Variants in THTPA observed in about 807,000 individuals in gnomAD.
THTPA encodes thiamine triphosphatase.
THTPA carries 16 observed loss-of-function variants against 16.5 expected under a neutral mutation model. The ratio of observed to expected loss-of-function variants is 0.97; its 90% CI spans 0.66 to 1.47. The LOEUF (loss-of-function observed/expected upper bound fraction) is 1.47. Among genes scored for constraint, THTPA ranks in the 40% most tolerant of loss-of-function variants. The pLI is 0.00. For missense variants in THTPA, 281 were observed against 280.9 expected, an observed-to-expected ratio of 1.00 and a Z score of 0.00; for synonymous variants, 110 against 115.5, an observed-to-expected ratio of 0.95 and a Z score of 0.30.
At chr14:23,531,838 C>A in the THTPA span, 1 of 1,222,022 alleles carries the variant, frequency 8.2e-7, no homozygotes, top group South Asian at 3.7e-5. Flanking sequence ...AGTGCAGTGG[C>A]ATGATCTCTA....
At chr14:23,521,732 G>A in the THTPA span, 3 of 693,214 alleles carry the variant, frequency 4.3e-6, no homozygotes, top group Admixed American at 7.0e-5. Context: ...GGCTACATCT[G>A]CAAGGAGCTG....
the THTPA span, chr14:23,524,675 T>A: frequency 6.5e-7 from 1 of 1,536,324 alleles, no homozygotes; most frequent in Non-Finnish European, 8.7e-7. This position sits in a 1 kb window ranked among gnomAD's most constrained non-coding sequence, Gnocchi z 5.6. Flanking sequence ...CTCTTCAGGC[T>A]CTTTGCCTCC....
the THTPA span, among the ~76,000 whole-genome samples, chr14:23,537,192 G>C: frequency 4.0e-5 from 6 of 151,700 alleles, no homozygotes; most frequent in South Asian, 1.3e-3. Context: ...GGATTCCTGG[G>C]CTGCCTCCAG....
the THTPA span, chr14:23,529,643 G>A: frequency 7.1e-7 from 1 of 1,400,786 alleles, no homozygotes; most frequent in Non-Finnish European, 9.8e-7. Context: ...TCTGCCTTTA[G>A]AATATGAGCA....
At chr14:23,515,079 GAACAAC>G in the THTPA span, among the ~76,000 whole-genome samples, 48 of 152,000 alleles carry the variant, frequency 3.2e-4, no homozygotes, top group Non-Finnish European at 6.3e-4. Flanking sequence ...TGGACAACAA[GAACAAC>G]AACAACAACA....
chr14:23,522,810 C>CT, the THTPA span: 1 of 1,535,982 alleles, frequency 6.5e-7, no homozygotes, highest in Non-Finnish European at 8.7e-7. Flanking sequence ...GTGGTGCCTG[C>CT]TGTGGAGGTG....
chr14:23,529,351 T>C, the THTPA span: 1 of 254,180 alleles, frequency 3.9e-6, no homozygotes, highest in African/African-American at 2.3e-5. Context: ...TTTCTGCTCC[T>C]AACTAAGGGA....
chr14:23,533,521 T>C, the THTPA span: 2 of 1,536,108 alleles, frequency 1.3e-6, no homozygotes, highest in South Asian at 2.4e-5. This position sits in a 1 kb window ranked among gnomAD's most constrained non-coding sequence, Gnocchi z 4.8. Context: ...CGGCAGCCCC[T>C]GGTGCAGCAT....
chr14:23,536,095 C>T, the THTPA span, among the ~76,000 whole-genome samples: 5 of 152,186 alleles, frequency 3.3e-5, no homozygotes, highest in African/African-American at 1.2e-4. Context: ...TCCTGGGGCC[C>T]GCTGAAATCC....
At chr14:23,534,108 C>G in the THTPA span, 1 of 1,491,636 alleles carries the variant, frequency 6.7e-7, no homozygotes, top group Non-Finnish European at 8.9e-7. This position sits in a 1 kb window ranked among gnomAD's most constrained non-coding sequence, Gnocchi z 4.5. Flanking sequence ...CGGGGGAGCC[C>G]ACTGGGGCAG....
chr14:23,552,288 ATT>A (rs891218317), upstream of THTPA, among the ~76,000 whole-genome samples: 7 of 133,988 alleles, frequency 5.2e-5, no homozygotes, highest in Admixed American at 3.8e-4. Context: ...GTGCTCCTGA[ATT>A]TTTTTTTTTT....
chr14:23,520,871 T>C, the THTPA span: 1 of 144,096 alleles, frequency 6.9e-6, no homozygotes, highest in Non-Finnish European at 1.5e-5. This position sits in a 1 kb window ranked among gnomAD's most constrained non-coding sequence, Gnocchi z 8.7. Flanking sequence ...GGGAGTTTTC[T>C]TCCTTTTTTT....
At chr14:23,554,038 CAAAAAAAA>C (rs61363455), upstream of THTPA, among the ~76,000 whole-genome samples, 2 of 36,064 alleles carry the variant, frequency 5.5e-5, no homozygotes, top group African/African-American at 8.0e-5. Context: ...GACTCTGTCT[CAAAAAAAA>C]AAAAAAAAAA....
rs1292153279 is a variant in THTPA, at chr14:23,559,698, G to C, written c.*858G>C. The C allele has an allele frequency of 8.3e-6, 13 of 1,572,586 alleles. No individual in the cohort carries two copies. Among genetic ancestry groups the C allele is most frequent in the Non-Finnish European group, 1.1e-5 (13 of 1,147,040 alleles). Reference sequence around the variant, plus strand: ...CAGGTGTAGGTTCGAAGCTGCTGGGGCCCCCTGGGGTTTGGGACACAGGAG... The same window carrying C: ...CAGGTGTAGGTTCGAAGCTGCTGGGCCCCCCTGGGGTTTGGGACACAGGAG... On this transcript the variant is annotated 3_prime_UTR_variant, in exon 2 of 2. Coordinates refer to ENST00000288014, the MANE Select transcript of THTPA (RefSeq NM_024328.6).
chr14:23,549,753 G>C, the THTPA span, among the ~76,000 whole-genome samples: 1 of 152,180 alleles, frequency 6.6e-6, no homozygotes, highest in African/African-American at 2.4e-5. Context: ...TGATGGAGGG[G>C]TTATATGCCC....
At chr14:23,513,871 T>TTAG in the THTPA span, 1 of 152,326 alleles carries the variant, frequency 6.6e-6, no homozygotes, top group African/African-American at 2.4e-5. Flanking sequence ...TATGAGGTGA[T>TTAG]TAGTGCTCTT....
chr14:23,533,613 G>A, the THTPA span: 3 of 1,536,850 alleles, frequency 2.0e-6, no homozygotes, highest in Admixed American at 2.0e-5. This position sits in a 1 kb window ranked among gnomAD's most constrained non-coding sequence, Gnocchi z 4.8. Flanking sequence ...TGCACACCTT[G>A]CACTGCCAGG....
chr14:23,559,703 C>G lies in THTPA; in HGVS notation c.*863C>G. ...GTAGGTTCGAAGCTGCTGGGGCCCC[C>G]TGGGGTTTGGGACACAGGAGAATTT... is the stretch of plus-strand genomic sequence containing the variant. On this transcript the variant is annotated 3_prime_UTR_variant, in exon 2 of 2. Transcript: ENST00000288014. 6.3e-7 allele frequency: 1 copy of G among 1,597,774 alleles called. No individual in the cohort carries two copies. Among genetic ancestry groups the G allele is most frequent in the East Asian group, 2.2e-5 (1 of 44,592 alleles).
In THTPA at chr14:23,560,206, TTTTC is replaced by T; in HGVS notation, c.*1368_*1371del. 2 of 1,599,498 alleles carry T rather than the reference TTTTC, an allele frequency of 1.3e-6. No homozygotes were observed. Among genetic ancestry groups the T allele is most frequent in the Non-Finnish European group, 1.7e-6 (2 of 1,171,004 alleles). On this transcript the variant is annotated 3_prime_UTR_variant, in exon 2 of 2. Transcript: ENST00000288014. ...CACCCACCTCCTCCACTTAGTGGCC[TTTTC>T]TCCTGGAGTCCCCAGGCCACCTCTG...
Sources: allele counts gnomAD v4.1 joint callset (sites outside exome capture counted in the v4.1 genomes callset), GRCh38; gene constraint gnomAD v4.1.1; non-coding constraint Gnocchi (gnomAD v3.1); transcripts MANE v1.5; gene names NCBI Gene and HGNC (gene_info 2026-07-23, HGNC 2026-07-21).